Variants in ARHGAP31 observed in about 807,000 individuals in gnomAD.
The protein encoded by ARHGAP31 is Rho GTPase activating protein 31.
Under a neutral mutation model 113.9 loss-of-function variants are expected in ARHGAP31, and 34 were observed. That is an observed-to-expected ratio of 0.30 (90% confidence interval 0.23 to 0.40). The LOEUF (loss-of-function observed/expected upper bound fraction) is 0.40. Ranked by LOEUF, ARHGAP31 falls within the 10% of genes least tolerant of loss-of-function variation. The pLI, the probability that ARHGAP31 is intolerant of heterozygous loss-of-function variation, is 1.00. For synonymous variants in ARHGAP31, 650 were observed against 684.8 expected (o/e 0.95, Z 0.79); for missense variants, 1,548 against 1,767.1 (o/e 0.88, Z 2.22).
At chr3:119,305,241 G>C (rs1441821841) in intron 1 of ARHGAP31, among the ~76,000 whole-genome samples, 1 of 152,184 alleles carries the variant, frequency 6.6e-6, no homozygotes, top group Admixed American at 6.5e-5. Flanking sequence ...GATATGCAGA[G>C]CTCCATTTTG....
chr3:119,364,554 C>G (rs2080237745), intron 1 of ARHGAP31, among the ~76,000 whole-genome samples: 1 of 152,128 alleles, frequency 6.6e-6, no homozygotes, highest in Non-Finnish European at 1.5e-5. Context: ...TTGCATGCAT[C>G]AGAGTCACCC....
chr3:119,420,578 G>A lies in ARHGAP31; in HGVS notation c.*4314G>A, dbSNP rs1287829922. 1 of 152,136 alleles carries A rather than the reference G, an allele frequency of 6.6e-6. No individual in the cohort carries two copies. The highest frequency in any genetic ancestry group is 2.4e-5 in the African/African-American group (1 of 41,428). 9.4% of individuals were successfully genotyped at this position (152,136 alleles called of 1,614,324 possible). ...ATTACTTTTCTGTGAGGGTAAGGGG[G>A]ACGTAGCTAAATATAAGAAGCTTAC... On this transcript the variant is annotated 3_prime_UTR_variant, in exon 12 of 12. Transcript: ENST00000264245.
intron 1 of ARHGAP31, among the ~76,000 whole-genome samples, chr3:119,363,658 A>C (rs1024565790): frequency 6.6e-6 from 1 of 152,226 alleles, no homozygotes; most frequent in Non-Finnish European, 1.5e-5. Context: ...TAGGGAATTC[A>C]GGTAGAATGT....
At chr3:119,315,958 G>A (rs1003512903) in intron 1 of ARHGAP31, among the ~76,000 whole-genome samples, 7 of 152,190 alleles carry the variant, frequency 4.6e-5, no homozygotes, top group Admixed American at 2.6e-4. Flanking sequence ...ATCCTATGAA[G>A]TCGTGAGGCA....
chr3:119,320,194 C>T (rs567467193), intron 1 of ARHGAP31, among the ~76,000 whole-genome samples: 2 of 152,334 alleles, frequency 1.3e-5, no homozygotes, highest in African/African-American at 4.8e-5. Flanking sequence ...ACCAGATCCT[C>T]CCACAAGACT....
Position 119,378,686 on chromosome 3 carries a change from G to A in ARHGAP31, c.349-2218G>A, listed in dbSNP as rs555629457. On this transcript the variant is annotated intron_variant, in intron 3 of 11. Transcript: ENST00000264245. ...CATTCCCTCAGCCCTTCCCTCCCCCGGGGCTTCTCTCCCTTGGCTCCCCGG... is the reference window on the plus strand; with the variant it reads ...CATTCCCTCAGCCCTTCCCTCCCCCAGGGCTTCTCTCCCTTGGCTCCCCGG... Among the ~76,000 whole-genome samples, 4 of 152,150 alleles carry A rather than the reference G, an allele frequency of 2.6e-5. 1 individual carries two copies. The highest frequency in any genetic ancestry group is 1.3e-4 in the Admixed American group (2 of 15,294).
intron 10 of ARHGAP31, among the ~76,000 whole-genome samples, chr3:119,404,113 C>T (rs2080639947): frequency 1.3e-5 from 2 of 151,974 alleles, no homozygotes. Flanking sequence ...GGGTCATGGG[C>T]AGCAAGATGT....
At chr3:119,402,784 A>ATGCAGAGC (rs1397385677) in intron 10 of ARHGAP31, among the ~76,000 whole-genome samples, 1 of 152,248 alleles carries the variant, frequency 6.6e-6, no homozygotes, top group Non-Finnish European at 1.5e-5. Context: ...ACAGAATGGA[A>ATGCAGAGC]TGCAGAGCTG....
chr3:119,419,689 A>G lies in ARHGAP31; in HGVS notation c.*3425A>G, dbSNP rs1224955024. The G allele has an allele frequency of 6.6e-6, 1 of 152,226 alleles. No individual in the cohort carries two copies. Among genetic ancestry groups the G allele is most frequent in the Non-Finnish European group, 1.5e-5 (1 of 68,044 alleles). The allele number at this position is 152,226 out of a possible 1,614,324, so 9.4% of individuals were successfully genotyped here. On this transcript the variant is annotated 3_prime_UTR_variant, in exon 12 of 12. Coordinates refer to ENST00000264245, the MANE Select transcript of ARHGAP31 (RefSeq NM_020754.4). ...GGCAACAAGCATCTTTTAATAGGAT[A>G]GTTGACGGTATTCAAGTGACCTACT... is the stretch of plus-strand genomic sequence containing the variant.
chr3:119,414,404 A>G lies in ARHGAP31; in HGVS notation c.2475A>G (p.Gln825=), dbSNP rs772306131. 1 of 1,614,216 alleles carries G rather than the reference A, an allele frequency of 6.2e-7. No individual in the cohort carries two copies. The highest frequency in any genetic ancestry group is 8.5e-7 in the Non-Finnish European group (1 of 1,180,036). ...TCTACATAGACCAGCTGAAGTCCCA[A>G]GACAGCCCTGAGATCTCTAGCCTCT... ...TDLYIDQLKS[Q]DSPEISSLCQ... The change falls in exon 12 of 12, where the codon CAA becomes CAG. Residue 825 remains glutamine (Q), a synonymous_variant. Transcript: ENST00000264245.
intron 1 of ARHGAP31, among the ~76,000 whole-genome samples, chr3:119,297,449 C>T (rs2079542713): frequency 6.6e-6 from 1 of 152,154 alleles, no homozygotes; most frequent in Non-Finnish European, 1.5e-5. Context: ...AGAAGGGCTC[C>T]CTGGACTGAC....
At position 119,403,176 on chromosome 3, in the gene ARHGAP31, G is replaced by C. The variant is rs116923000; in HGVS notation, c.1645+779G>C. On this transcript the variant is annotated intron_variant, in intron 10 of 11. Coordinates refer to ENST00000264245, the MANE Select transcript of ARHGAP31 (RefSeq NM_020754.4). ...CCAACAAATGTTTATTGTGATTTAGGAATGTTTCTTTTCCGTTAATATTAG... is the reference window on the plus strand; with the variant it reads ...CCAACAAATGTTTATTGTGATTTAGCAATGTTTCTTTTCCGTTAATATTAG... 9.2e-5 allele frequency among the ~76,000 whole-genome samples: 14 copies of C among 152,296 alleles called. 1 individual carries two copies. The East Asian group carries it at 2.7e-3, about 29-fold the overall frequency.
At chr3:119,402,511 C>T (rs776496692) in intron 10 of ARHGAP31, 114 bp downstream of exon 10, 34 of 1,160,240 alleles carry the variant, frequency 2.9e-5, no homozygotes, top group African/African-American at 4.6e-5. Context: ...GCTCTAGAGC[C>T]CGATTGGGTA....
intron 1 of ARHGAP31, among the ~76,000 whole-genome samples, chr3:119,354,057 G>A (rs1274749240): frequency 6.6e-6 from 1 of 152,206 alleles, no homozygotes; most frequent in East Asian, 1.9e-4. Flanking sequence ...GCAGGAAAGT[G>A]CTGGTTTGGC....
intron 1 of ARHGAP31, among the ~76,000 whole-genome samples, chr3:119,325,679 A>C (rs2079835273): frequency 6.6e-6 from 1 of 152,284 alleles, no homozygotes; most frequent in East Asian, 1.9e-4. Flanking sequence ...GGGGGGACGG[A>C]AATGACTTAG....
chr3:119,295,115 C>T, intron 1 of ARHGAP31, 111 bp downstream of exon 1: 2 of 994,820 alleles, frequency 2.0e-6, no homozygotes, highest in Admixed American at 2.2e-5. Context: ...TATTCCAGGC[C>T]TGTGCGCTCA....
intron 9 of ARHGAP31, among the ~76,000 whole-genome samples, chr3:119,399,973 A>G (rs1253387820): frequency 6.6e-6 from 1 of 152,216 alleles, no homozygotes; most frequent in Non-Finnish European, 1.5e-5. Context: ...AACAAGCACC[A>G]TTACAAATTA....
At chr3:119,322,682 C>CGGCGGGGAAGGGGGTGCTGCTCT (rs1234632401) in intron 1 of ARHGAP31, 12 of 152,648 alleles carry the variant, frequency 7.9e-5, no homozygotes, top group Non-Finnish European at 1.5e-5. Context: ...CCGGGAGGGA[C>CGGCGGGGAAGGGGGTGCTGCTCT]GGCGGGGAAG....
At chr3:119,353,697 G>T (rs1209846799) in intron 1 of ARHGAP31, among the ~76,000 whole-genome samples, 1 of 147,164 alleles carries the variant, frequency 6.8e-6, no homozygotes, top group Non-Finnish European at 1.5e-5. Flanking sequence ...CTGAGGCAGA[G>T]AATTGCTTAA....
Sources: gnomAD v4.1 joint callset for allele counts (sites outside exome capture counted in the v4.1 genomes callset) on GRCh38, gnomAD v4.1.1 for gene constraint, MANE v1.5 for transcripts, NCBI Gene and HGNC (gene_info 2026-07-23, HGNC 2026-07-21) for gene names.